The following KSR2 variants were observed in gnomAD, a reference collection of about 807,000 sequenced individuals.
KSR2 encodes the protein kinase suppressor of ras 2.
In KSR2, 25 loss-of-function variants were observed where a neutral mutation model predicts 107.8. The ratio of observed to expected loss-of-function variants is 0.23; its 90% CI spans 0.17 to 0.32. The LOEUF is 0.32. Among genes scored for constraint, KSR2 ranks in the 10% least tolerant of loss-of-function variants. The pLI, the probability that KSR2 is intolerant of heterozygous loss-of-function variation, is 1.00. For synonymous variants in KSR2, 480 were observed against 507.0 expected, an observed-to-expected ratio of 0.95 and a Z score of 0.71; for missense variants, 887 against 1,268.9, an observed-to-expected ratio of 0.70 and a Z score of 4.57.
chr12:117,898,258 C>T (rs1339154592), intron 1 of KSR2, among the ~76,000 whole-genome samples: 1 of 152,024 alleles, frequency 6.6e-6, no homozygotes, highest in African/African-American at 2.4e-5. Context: ...GAGAAGAGAT[C>T]AGTGAAGCAT....
chr12:117,746,465 A>G (rs11068671), intron 4 of KSR2, among the ~76,000 whole-genome samples: 57,581 of 151,992 alleles, frequency 0.38, 12,319 homozygotes, highest in African/African-American at 0.57. Context: ...GTAAAACCCA[A>G]AACCATAAAA....
intron 3 of KSR2, among the ~76,000 whole-genome samples, chr12:117,803,236 GAAGGAAC>G (rs1457347418): frequency 1.3e-5 from 2 of 152,184 alleles, no homozygotes; most frequent in Non-Finnish European, 2.9e-5. Flanking sequence ...ACACCTGGGG[GAAGGAAC>G]ACAGCGTTCC....
chr12:117,473,933 G>A (rs530937924), intron 17 of KSR2, among the ~76,000 whole-genome samples: 18 of 152,058 alleles, frequency 1.2e-4, no homozygotes, highest in African/African-American at 1.7e-4. Context: ...TGCTTCCAAG[G>A]GTGCTTGTAA....
chr12:117,586,617 A>AAGAAAG (rs1377774252), intron 5 of KSR2, among the ~76,000 whole-genome samples: 1 of 82,092 alleles, frequency 1.2e-5, no homozygotes, highest in Non-Finnish European at 2.3e-5. Context: ...GAAAGAAAAG[A>AAGAAAG]AAAAAGAAAG....
At chr12:117,891,727 C>T (rs2137358960) in intron 1 of KSR2, among the ~76,000 whole-genome samples, 1 of 152,292 alleles carries the variant, frequency 6.6e-6, no homozygotes, top group Non-Finnish European at 1.5e-5. Context: ...TGGCTCATGC[C>T]TGCAATCCTA....
intron 1 of KSR2, among the ~76,000 whole-genome samples, chr12:117,884,230 GC>G (rs2137331245): frequency 6.6e-6 from 1 of 152,206 alleles, no homozygotes; most frequent in Non-Finnish European, 1.5e-5. Context: ...AAATGATAGT[GC>G]CCCTCCTGCA....
chr12:117,558,048 G>A (rs945150363), intron 8 of KSR2, among the ~76,000 whole-genome samples: 10 of 152,188 alleles, frequency 6.6e-5, no homozygotes, highest in Admixed American at 6.5e-4. Flanking sequence ...GGCCCCAGGA[G>A]ATGGGACACA....
intron 4 of KSR2, among the ~76,000 whole-genome samples, chr12:117,668,284 C>A (rs962382669): frequency 6.6e-6 from 1 of 152,166 alleles, no homozygotes; most frequent in African/African-American, 2.4e-5. Flanking sequence ...CTTCTGGTGC[C>A]GGGCTCCTCC....
At chr12:117,849,694 GAGAA>G (rs1892845109) in intron 3 of KSR2, among the ~76,000 whole-genome samples, 1 of 152,180 alleles carries the variant, frequency 6.6e-6, no homozygotes, top group South Asian at 2.1e-4. Flanking sequence ...TCCATCCTCT[GAGAA>G]AGAAAGAGAG....
At chr12:117,547,714 T>C (rs1876980279) in intron 9 of KSR2, among the ~76,000 whole-genome samples, 1 of 152,122 alleles carries the variant, frequency 6.6e-6, no homozygotes, top group Non-Finnish European at 1.5e-5. Flanking sequence ...TGGGGCAGGC[T>C]TTTGTTGGGG....
chr12:117,579,077 A>G, intron 7 of KSR2, 42 bp downstream of exon 7: 1 of 1,415,156 alleles, frequency 7.1e-7, no homozygotes, highest in Non-Finnish European at 9.9e-7. Context: ...TCTAGCTGAC[A>G]TCGGGTGCTG....
rs1190454718 is a variant in KSR2 at position 117,805,572 on chromosome 12, G to A, written c.473-44048C>T. Among the ~76,000 whole-genome samples, 7 of 152,364 alleles carry A rather than the reference G, an allele frequency of 4.6e-5. No individual in the cohort carries two copies. In the South Asian group the frequency reaches 1.0e-3, roughly 23 times the overall value. On this transcript the variant is annotated intron_variant, in intron 3 of 19. Transcript: ENST00000339824. ...CCAATAACTGTTTTGTGCTGGCTATGCTTCAAAATCTCTGAACCTGAATTT... is the reference window on the plus strand; with the variant it reads ...CCAATAACTGTTTTGTGCTGGCTATACTTCAAAATCTCTGAACCTGAATTT...
intron 1 of KSR2, among the ~76,000 whole-genome samples, chr12:117,902,073 C>T (rs1448631363): frequency 3.9e-5 from 6 of 152,136 alleles, no homozygotes; most frequent in Admixed American, 2.6e-4. Context: ...TCCTGAATGG[C>T]CAATTTCTAA....
intron 3 of KSR2, among the ~76,000 whole-genome samples, chr12:117,810,125 A>G (rs887893584): frequency 6.6e-6 from 1 of 152,060 alleles, no homozygotes; most frequent in African/African-American, 2.4e-5. Flanking sequence ...ATGGAACCTA[A>G]CAAACTGATC....
At chr12:117,491,568 CT>C (rs1271097637) in intron 14 of KSR2, among the ~76,000 whole-genome samples, 1 of 152,166 alleles carries the variant, frequency 6.6e-6, no homozygotes, top group Non-Finnish European at 1.5e-5. Context: ...GGATTTCCTT[CT>C]TTTTTTAAGG....
intron 1 of KSR2, among the ~76,000 whole-genome samples, chr12:117,916,803 C>G (rs1275225465): frequency 6.6e-6 from 1 of 152,214 alleles, no homozygotes; most frequent in Admixed American, 6.5e-5. Flanking sequence ...AGTTTCAACG[C>G]ACCATTTACT....
At chr12:117,549,502 C>G (rs535543654) in intron 9 of KSR2, among the ~76,000 whole-genome samples, 1 of 152,200 alleles carries the variant, frequency 6.6e-6, no homozygotes, top group South Asian at 2.1e-4. Context: ...GTCTCATCCT[C>G]TAGACTAGGC....
intron 8 of KSR2, among the ~76,000 whole-genome samples, chr12:117,556,710 T>C (rs1365031463): frequency 6.6e-6 from 1 of 152,026 alleles, no homozygotes; most frequent in Non-Finnish European, 1.5e-5. Flanking sequence ...GGTGGGCAAG[T>C]GAGAGGACAG....
intron 4 of KSR2, among the ~76,000 whole-genome samples, chr12:117,693,422 C>T (rs1046384071): frequency 1.3e-5 from 2 of 152,168 alleles, no homozygotes; most frequent in Non-Finnish European, 2.9e-5. Context: ...CTTGGTAGAA[C>T]ATTCCTAAAC....
Sources: allele counts gnomAD v4.1 joint callset (sites outside exome capture counted in the v4.1 genomes callset), GRCh38; gene constraint gnomAD v4.1.1; transcripts MANE v1.5; gene names NCBI Gene and HGNC (gene_info 2026-07-23, HGNC 2026-07-21).